Variants in PHLPP1 observed in about 807,000 individuals in gnomAD.
PHLPP1 encodes PH domain leucine-rich repeat-containing protein phosphatase 1.
PHLPP1 carries 42 observed loss-of-function variants against 117.2 expected under a neutral mutation model. The observed-to-expected ratio is 0.36, with a 90% CI of 0.28 to 0.46. The LOEUF is 0.46. Among genes scored for constraint, PHLPP1 ranks in the 20% least tolerant of loss-of-function variants. The probability of loss-of-function intolerance (pLI) is 1.00; values close to 1 mark genes in which losing one functional copy is unlikely to be tolerated. For synonymous variants in PHLPP1, 1,042 were observed against 970.7 expected (o/e 1.07, Z -1.37); for missense variants, 2,084 against 2,241.9 (o/e 0.93, Z 1.42).
chr18:62,860,617 T>C lies in PHLPP1; in HGVS notation c.2066+16T>C, dbSNP rs756273477. On this transcript the variant is annotated intron_variant, in intron 4 of 16. Coordinates refer to ENST00000262719, the MANE Select transcript of PHLPP1 (RefSeq NM_194449.4). Reference sequence around the variant, plus strand: ...AACTGCAAAGGTAAGCCTGCAGAAATGGGTAGATCATTAGGAAGGGGTGGG... The same window carrying C: ...AACTGCAAAGGTAAGCCTGCAGAAACGGGTAGATCATTAGGAAGGGGTGGG... 6.2e-7 allele frequency: 1 copy of C among 1,602,930 alleles called. No homozygotes were observed. Among genetic ancestry groups the C allele is most frequent in the East Asian group, 2.2e-5 (1 of 44,688 alleles).
intron 1 of PHLPP1, among the ~76,000 whole-genome samples, chr18:62,821,927 C>CA (rs1013840301): frequency 2.9e-4 from 44 of 150,776 alleles, no homozygotes; most frequent in Non-Finnish European, 5.2e-4. Flanking sequence ...CCCATCTCTA[C>CA]AAAAAAAAAT....
chr18:62,963,436 G>A lies in PHLPP1; in HGVS notation c.3524G>A (p.Ser1175Asn). 1.2e-6 allele frequency: 2 copies of A among 1,613,314 alleles called. No individual in the cohort carries two copies. The highest frequency in any genetic ancestry group is 1.7e-6 in the Non-Finnish European group (2 of 1,179,578). Residue 1175 changes from serine to asparagine, a missense_variant, in exon 14 of 17, where the codon AGT becomes AAT. This residue lies in a region of PHLPP1 where 1,365 missense variants were observed against 1,605.9 expected (regional missense o/e 0.85). Transcript: ENST00000262719. Reference protein sequence around the residue: ...GDASGAPAVWSHGYTEASGVK... With the variant: ...GDASGAPAVWNHGYTEASGVK... ...GCTTCCGGAGCCCCAGCTGTATGGA[G>A]TCATGGTTACACTGAAGCTTCGGGG...
intron 4 of PHLPP1, among the ~76,000 whole-genome samples, chr18:62,887,624 T>A (rs1257178154): frequency 6.6e-6 from 1 of 152,248 alleles, no homozygotes; most frequent in African/African-American, 2.4e-5. Flanking sequence ...GGGACACTAA[T>A]CCCAATTGTA....
chr18:62,795,699 A>G (rs1913611851), intron 1 of PHLPP1, among the ~76,000 whole-genome samples: 1 of 152,076 alleles, frequency 6.6e-6, no homozygotes, highest in South Asian at 2.1e-4. Context: ...CATGCTGCAG[A>G]AAGCATAGAC....
In PHLPP1 at chr18:62,826,368, A is replaced by G. The variant is rs150583469; in HGVS notation, c.1577-3667A>G. On this transcript the variant is annotated intron_variant, in intron 1 of 16. Coordinates refer to ENST00000262719, the MANE Select transcript of PHLPP1 (RefSeq NM_194449.4). ...TTATGGTCACAAAATATAAGCATCTATTTGTGGTTGCGGAAGTGCAGGTCT... is the reference window on the plus strand; with the variant it reads ...TTATGGTCACAAAATATAAGCATCTGTTTGTGGTTGCGGAAGTGCAGGTCT... 2.3e-4 allele frequency: 68 copies of G among 297,070 alleles called. No homozygotes were observed. In the East Asian group the frequency reaches 5.4e-3, roughly 24 times the overall value. 18.4% of individuals were successfully genotyped at this position (297,070 alleles called of 1,614,324 possible).
chr18:62,942,992 T>C (rs1178701012), intron 11 of PHLPP1, among the ~76,000 whole-genome samples: 1 of 152,184 alleles, frequency 6.6e-6, no homozygotes, highest in Non-Finnish European at 1.5e-5. Context: ...CACTATGGAA[T>C]GGGGAAATGA....
At chr18:62,791,497 T>C (rs1218844055) in intron 1 of PHLPP1, among the ~76,000 whole-genome samples, 1 of 152,228 alleles carries the variant, frequency 6.6e-6, no homozygotes, top group Non-Finnish European at 1.5e-5. Flanking sequence ...TTTTCTTGCT[T>C]CTGCAGAGGG....
chr18:62,836,741 TA>T lies in PHLPP1; in HGVS notation c.1774-2029del, dbSNP rs547024910. The stretch of plus-strand genomic sequence containing the variant: ...ATGGGCCTGATTTTTTTTGAGACAT[TA>T]AAAAAAAAAAAAACTTCTATATTTT... On this transcript the variant is annotated intron_variant, in intron 2 of 16. Transcript: ENST00000262719. 2.6e-3 allele frequency among the ~76,000 whole-genome samples: 368 copies of T among 139,082 alleles called. 1 individual carries two copies. The highest frequency in any genetic ancestry group is 4.8e-3 in the Admixed American group (67 of 13,966). 91.2% of individuals were successfully genotyped at this position (139,082 alleles called of 152,430 possible). A position where few individuals can be genotyped will look rare whatever the true frequency, so the allele number is the denominator to read the frequency against.
intron 2 of PHLPP1, among the ~76,000 whole-genome samples, chr18:62,834,643 G>A (rs1010237999): frequency 6.6e-6 from 1 of 152,144 alleles, no homozygotes; most frequent in South Asian, 2.1e-4. Context: ...TACAAGTGTT[G>A]TTTCTCCACA....
At chr18:62,937,351 G>A (rs1388541525) in intron 10 of PHLPP1, among the ~76,000 whole-genome samples, 1 of 152,220 alleles carries the variant, frequency 6.6e-6, no homozygotes, top group Non-Finnish European at 1.5e-5. Context: ...TCTATGCTGA[G>A]AGAAGTTCTT....
rs542520708 is a variant in PHLPP1, at chr18:62,735,091, C to T, written c.1576+17832C>T. ...GCAGGATCTGGTACTGTTGCTTAGA[C>T]GGGAGTGTAGTGGTGCGATTTCCAC... On this transcript the variant is annotated intron_variant, in intron 1 of 16. Transcript: ENST00000262719. Among the ~76,000 whole-genome samples the T allele has an allele frequency of 5.3e-5, 8 of 149,680 alleles. No homozygotes were observed. In the East Asian group the frequency reaches 5.9e-4, roughly 11 times the overall value.
chr18:62,928,842 CATGG>C (rs1909723920), intron 10 of PHLPP1, among the ~76,000 whole-genome samples: 1 of 152,172 alleles, frequency 6.6e-6, no homozygotes, highest in South Asian at 2.1e-4. Context: ...TATGCAGCAA[CATGG>C]ATAAACCCTG....
chr18:62,816,909 A>G (rs1355667565), intron 1 of PHLPP1, among the ~76,000 whole-genome samples: 1 of 152,160 alleles, frequency 6.6e-6, no homozygotes, highest in Non-Finnish European at 1.5e-5. Flanking sequence ...ATTTAGCCAA[A>G]TCTATGAGGT....
At chr18:62,804,249 G>A (rs1021043799) in intron 1 of PHLPP1, among the ~76,000 whole-genome samples, 12 of 152,086 alleles carry the variant, frequency 7.9e-5, no homozygotes, top group African/African-American at 2.9e-4. Flanking sequence ...GGGAGAAACT[G>A]CCCCCATGAT....
In PHLPP1 at chr18:62,878,347, CT is replaced by C. The variant is rs535676133; in HGVS notation, c.2067-16663del. Among the ~76,000 whole-genome samples the C allele has an allele frequency of 3.3e-5, 5 of 152,306 alleles. No homozygotes were observed. In the South Asian group the frequency reaches 1.0e-3, roughly 32 times the overall value. ...TTCTTTGGTTGCCGGTATGAGAATG[CT>C]GATGGAGACCAATACTCCTCTCCTC... On this transcript the variant is annotated intron_variant, in intron 4 of 16. Transcript: ENST00000262719.
At chr18:62,786,409 A>G (rs1171128775) in intron 1 of PHLPP1, among the ~76,000 whole-genome samples, 2 of 152,080 alleles carry the variant, frequency 1.3e-5, no homozygotes, top group African/African-American at 2.4e-5. Context: ...GTGATCCTTA[A>G]CTATCATTAT....
intron 12 of PHLPP1, among the ~76,000 whole-genome samples, chr18:62,953,873 A>G (rs1568173055): frequency 1.3e-5 from 2 of 152,128 alleles, no homozygotes; most frequent in Admixed American, 6.6e-5. Flanking sequence ...GAAGGAAGGA[A>G]GTAGGGTGTT....
At chr18:62,736,622 T>C (rs1026709391) in intron 1 of PHLPP1, among the ~76,000 whole-genome samples, 1 of 152,210 alleles carries the variant, frequency 6.6e-6, no homozygotes, top group Non-Finnish European at 1.5e-5. Context: ...GTTGGCGACA[T>C]AATGAATGAA....
chr18:62,804,951 A>G (rs965219674), intron 1 of PHLPP1, among the ~76,000 whole-genome samples: 37 of 147,974 alleles, frequency 2.5e-4, no homozygotes, highest in Admixed American at 1.2e-3. Flanking sequence ...AGTATAATAT[A>G]CACTGCATAG....
Sources: allele counts gnomAD v4.1 joint callset (sites outside exome capture counted in the v4.1 genomes callset), GRCh38; gene constraint gnomAD v4.1.1; regional missense constraint gnomAD v4.1.1; transcripts MANE v1.5; gene names NCBI Gene and HGNC (gene_info 2026-07-23, HGNC 2026-07-21).